The following PDE10A variants were observed in gnomAD, a reference collection of about 807,000 sequenced individuals.
PDE10A encodes cAMP and cAMP-inhibited cGMP 3',5'-cyclic phosphodiesterase 10A.
In PDE10A, 39 loss-of-function variants were observed where a neutral mutation model predicts 97.7. The ratio of observed to expected loss-of-function variants is 0.40; its 90% confidence interval spans 0.31 to 0.52. The LOEUF is 0.52. Ranked by LOEUF, PDE10A falls within the 20% of genes least tolerant of loss-of-function variation. The pLI is 0.56. For synonymous variants in PDE10A, 371 were observed against 376.8 expected, an observed-to-expected ratio of 0.98 and a Z score of 0.18; for missense variants, 731 against 1,047.8, an observed-to-expected ratio of 0.70 and a Z score of 4.17.
At chr6:165,359,177 T>A (rs1400415086) in intron 18 of PDE10A, among the ~76,000 whole-genome samples, 1 of 152,114 alleles carries the variant, frequency 6.6e-6, no homozygotes, top group Non-Finnish European at 1.5e-5. Flanking sequence ...TCTGTTAATA[T>A]GTTCTATTTA....
At position 165,693,599 on chromosome 6, in the gene PDE10A, T is replaced by C. The variant is rs374354550; in HGVS notation, c.-614-150031A>G. Among the ~76,000 whole-genome samples, 96 of 149,412 alleles carry C rather than the reference T, an allele frequency of 6.4e-4. No individual in the cohort carries two copies. In the South Asian group the frequency reaches 0.019, roughly 30 times the overall value. The stretch of plus-strand genomic sequence containing the variant: ...AAATATAAATAGCAGACAAGCATAA[T>C]TCTCCATGTTATCATCATGATGCTT... On this transcript the variant is annotated intron_variant, in intron 1 of 19. Coordinates refer to the PDE10A transcript ENST00000366882.
At chr6:165,907,790 C>T (rs1782337381) in intron 1 of PDE10A, among the ~76,000 whole-genome samples, 1 of 148,902 alleles carries the variant, frequency 6.7e-6, no homozygotes, top group African/African-American at 2.6e-5. Context: ...TGAGGCCGCG[C>T]CCAGAGCAGC....
At chr6:165,847,438 C>T (rs938279106) in intron 1 of PDE10A, among the ~76,000 whole-genome samples, 1 of 152,246 alleles carries the variant, frequency 6.6e-6, no homozygotes, top group African/African-American at 2.4e-5. Context: ...ACACAGACAA[C>T]GCTTCCACGG....
At chr6:165,447,104 A>T (rs866388291) in intron 5 of PDE10A, among the ~76,000 whole-genome samples, 24 of 152,172 alleles carry the variant, frequency 1.6e-4, no homozygotes, top group Non-Finnish European at 2.5e-4. Context: ...GCAAAAAAAA[A>T]AAATAAAATT....
rs529220730 is a variant in PDE10A at position 165,624,764 on chromosome 6, T to C, written c.865+37183A>G. ...CAGGTTCTTGCCTTCAACATGCTTA[T>C]AGACAGGGAGTCAAGAAAGTAATAT... On this transcript the variant is annotated intron_variant, in intron 1 of 21. Transcript: ENST00000539869. Among the ~76,000 whole-genome samples, 8 of 152,346 alleles carry C rather than the reference T, an allele frequency of 5.3e-5. No homozygotes were observed. The East Asian group carries it at 1.2e-3, about 22-fold the overall frequency.
intron 1 of PDE10A, among the ~76,000 whole-genome samples, chr6:165,601,407 T>G (rs1249998737): frequency 6.6e-6 from 1 of 152,224 alleles, no homozygotes; most frequent in Admixed American, 6.5e-5. Flanking sequence ...TTACACATAA[T>G]TTGCTAACAT....
intron 1 of PDE10A, among the ~76,000 whole-genome samples, chr6:165,603,026 G>T (rs1386594826): frequency 6.6e-6 from 1 of 152,106 alleles, no homozygotes; most frequent in African/African-American, 2.4e-5. Context: ...TTAAATTTTA[G>T]AAGAGGGAAA....
At chr6:165,741,136 A>G (rs1307332694) in intron 1 of PDE10A, among the ~76,000 whole-genome samples, 2 of 152,282 alleles carry the variant, frequency 1.3e-5, no homozygotes, top group African/African-American at 4.8e-5. Flanking sequence ...CCACATACCT[A>G]CAAAAAGGTA....
chr6:165,935,538 A>G (rs753167639), intron 1 of PDE10A, among the ~76,000 whole-genome samples: 2 of 152,246 alleles, frequency 1.3e-5, no homozygotes, highest in Non-Finnish European at 2.9e-5. Context: ...ATCCCAGGCA[A>G]GAAATGATTC....
Position 165,406,228 on chromosome 6 carries a change from ATGTG to A in PDE10A, c.2076+7269_2076+7272del, listed in dbSNP as rs3839483. On this transcript the variant is annotated intron_variant, in intron 13 of 21. Coordinates refer to ENST00000539869, the MANE Select transcript of PDE10A (RefSeq NM_001385079.1). ...TTCAAATTCAAGATGAGGGAAAAGG[ATGTG>A]TGTGTGTGTGTGTGTGTGTGTGTGT... is the stretch of plus-strand genomic sequence containing the variant. 4.1e-3 allele frequency among the ~76,000 whole-genome samples: 571 copies of A among 140,492 alleles called. 1 individual carries two copies. The highest frequency in any genetic ancestry group is 0.012 in the African/African-American group (450 of 37,182). The allele number at this position is 140,492 out of a possible 152,430, so 92.2% of individuals were successfully genotyped here.
At chr6:165,510,940 C>T (rs1407597532) in intron 2 of PDE10A, among the ~76,000 whole-genome samples, 1 of 151,434 alleles carries the variant, frequency 6.6e-6, no homozygotes, top group Non-Finnish European at 1.5e-5. Context: ...AATGGTTTAT[C>T]ATTTTTTTTT....
chr6:165,702,840 G>A (rs150315964), intron 1 of PDE10A, among the ~76,000 whole-genome samples: 2 of 152,114 alleles, frequency 1.3e-5, no homozygotes, highest in African/African-American at 2.4e-5. Context: ...CTAGAACCAC[G>A]TGAATGTGAG....
At chr6:165,771,061 G>A (rs1777995761) in intron 1 of PDE10A, among the ~76,000 whole-genome samples, 2 of 152,338 alleles carry the variant, frequency 1.3e-5, no homozygotes, top group South Asian at 2.1e-4. Flanking sequence ...TAGAGAATGA[G>A]GCTTTCAGGG....
In PDE10A at chr6:165,748,649, C is replaced by T. The variant is rs113445394; in HGVS notation, c.-614-205081G>A. Among the ~76,000 whole-genome samples the T allele has an allele frequency of 2.6e-4, 39 of 152,308 alleles. 1 individual carries two copies. The highest frequency in any genetic ancestry group is 3.4e-3 in the Middle Eastern group (1 of 294). On this transcript the variant is annotated intron_variant, in intron 1 of 19. Transcript: ENST00000366882. ...CAGAAGCAAACTGTTCACAGTAACA[C>T]AGCTCCCAGCAGTTCCACAAAGGCA...
At chr6:165,508,246 T>C (rs1220489812) in intron 2 of PDE10A, among the ~76,000 whole-genome samples, 2 of 152,060 alleles carry the variant, frequency 1.3e-5, no homozygotes, top group Non-Finnish European at 2.9e-5. Context: ...CAAGCAACCA[T>C]TGATCTGTTT....
chr6:165,892,461 C>A (rs568582415), intron 1 of PDE10A, among the ~76,000 whole-genome samples: 1 of 152,364 alleles, frequency 6.6e-6, no homozygotes, highest in South Asian at 2.1e-4. Flanking sequence ...GAATGCCGAG[C>A]CTGGCCACCA....
At chr6:165,870,392 A>C (rs34806257) in intron 1 of PDE10A, among the ~76,000 whole-genome samples, 3 of 152,192 alleles carry the variant, frequency 2.0e-5, no homozygotes, top group Non-Finnish European at 4.4e-5. Flanking sequence ...AATCAAAATC[A>C]CAATGAGATA....
chr6:165,639,281 G>A (rs111814478), intron 1 of PDE10A, among the ~76,000 whole-genome samples: 4 of 152,250 alleles, frequency 2.6e-5, no homozygotes, highest in East Asian at 1.9e-4. Context: ...GACTGCAAGC[G>A]TCACATTCAT....
intron 3 of PDE10A, among the ~76,000 whole-genome samples, chr6:165,478,684 C>G (rs146227907): frequency 3.3e-5 from 5 of 152,254 alleles, no homozygotes; most frequent in Middle Eastern, 3.4e-3. Flanking sequence ...GTAGAGAAAC[C>G]CTTTCCCTTT....
Sources: gnomAD v4.1 joint callset for allele counts (sites outside exome capture counted in the v4.1 genomes callset) on GRCh38, gnomAD v4.1.1 for gene constraint, MANE v1.5 for transcripts, NCBI Gene and HGNC (gene_info 2026-07-23, HGNC 2026-07-21) for gene names.